ABCA1: variants seen among roughly 807,000 people sequenced by gnomAD.
The protein encoded by ABCA1 is ATP binding cassette subfamily A member 1.
Under a neutral mutation model 262.5 loss-of-function variants are expected in ABCA1, and 133 were observed. That is an observed-to-expected ratio of 0.51 (90% confidence interval 0.44 to 0.59). ABCA1 has a LOEUF of 0.59. Among genes scored for constraint, ABCA1 ranks in the 20% least tolerant of loss-of-function variants. The pLI, the probability that ABCA1 is intolerant of heterozygous loss-of-function variation, is 0.00. For missense variants in ABCA1, 2,452 were observed against 2,777.5 expected (o/e 0.88, Z 2.63); for synonymous variants, 1,022 against 1,043.5 (o/e 0.98, Z 0.40).
intron 5 of ABCA1, among the ~76,000 whole-genome samples, chr9:104,870,946 G>A (rs1396996740): frequency 1.3e-5 from 2 of 152,016 alleles, no homozygotes; most frequent in East Asian, 3.9e-4. Flanking sequence ...AGGTGGGGCA[G>A]GAACAAATCA....
chr9:104,891,433 T>G (rs1366002837), intron 2 of ABCA1, among the ~76,000 whole-genome samples: 1 of 150,960 alleles, frequency 6.6e-6, no homozygotes, highest in African/African-American at 2.4e-5. Flanking sequence ...CTGTGTCTAC[T>G]AAAAATACAA....
chr9:104,816,274 C>G lies in ABCA1; in HGVS notation c.3607G>C (p.Glu1203Gln). 1 of 1,614,140 alleles carries G rather than the reference C, an allele frequency of 6.2e-7. No homozygotes were observed. The highest frequency in any genetic ancestry group is 2.2e-5 in the East Asian group (1 of 44,866). Residue 1203 changes from glutamate to glutamine, a missense_variant, in exon 25 of 50, where the codon GAG becomes CAG. By Grantham distance (29) the Glu-to-Gln change is conservative. Coordinates refer to ENST00000374736, the MANE Select transcript of ABCA1 (RefSeq NM_005502.4). ...EARLVEDIGH[E>Q]LTYVLPYEAA... ...TCATATGGCAGCACATAGGTCAGCT[C>G]ATGCCCTATGTCTTCCACCAGCCGG...
chr9:104,814,138 T>C lies in ABCA1; in HGVS notation c.3881A>G (p.Asn1294Ser). 6.2e-7 allele frequency: 1 copy of C among 1,614,216 alleles called. No homozygotes were observed. The highest frequency in any genetic ancestry group is 8.5e-7 in the Non-Finnish European group (1 of 1,180,050). The part of the protein sequence containing the change: ...PFTEDDAADP[N>S]DSDIDPESRE... ...CAGACCTGGGTCTATGTCAGAATCA[T>C]TTGGATCAGCAGCATCATCTTCAGT... is the stretch of plus-strand genomic sequence containing the variant. Residue 1294 changes from asparagine (N) to serine (S), a missense_variant, in exon 27 of 50, where the codon AAT (asparagine) becomes AGT (serine). Physicochemically the swap from Asn to Ser is conservative, Grantham distance 46 (BLOSUM62 1). Around this residue, in one of 4 missense-constraint regions of ABCA1, gnomAD observed 665 missense variants for 727.3 expected, o/e 0.91. Coordinates refer to ENST00000374736, the MANE Select transcript of ABCA1 (RefSeq NM_005502.4).
At chr9:104,845,436 G>C (rs1429540642) in intron 8 of ABCA1, 41 bp downstream of exon 8, 1 of 1,417,636 alleles carries the variant, frequency 7.1e-7, no homozygotes, top group Non-Finnish European at 1.0e-6. Flanking sequence ...TACTGATACA[G>C]TGGATGATCC....
rs145183203 is a variant in ABCA1, at chr9:104,884,475, G to A, written c.254C>T (p.Pro85Leu). The A allele has an allele frequency of 1.3e-3, 2,156 of 1,614,202 alleles. 3 individuals are homozygous for A. The highest frequency in any genetic ancestry group is 1.6e-3 in the South Asian group (144 of 91,084). ...AACTCCGGGAGCCTCCCCAGGAGTC[G>A]GGTAACGGAAACAGGGGTTGTTGGC... The part of the protein sequence containing the change: ...CNANNPCFRY[P>L]TPGEAPGVVG... Residue 85 changes from proline to leucine, a missense_variant, in exon 4 of 50, where the codon CCG becomes CTG. This residue lies in a region of ABCA1 where 1,032 missense variants were observed against 1,089.7 expected (regional missense o/e 0.95). Coordinates refer to ENST00000374736, the MANE Select transcript of ABCA1 (RefSeq NM_005502.4).
intron 27 of ABCA1, among the ~76,000 whole-genome samples, chr9:104,813,184 T>C (rs995804617): frequency 3.9e-5 from 6 of 152,212 alleles, no homozygotes; most frequent in Non-Finnish European, 8.8e-5. Flanking sequence ...GTACTGATAC[T>C]GTATGAAGTC....
intron 6 of ABCA1, among the ~76,000 whole-genome samples, chr9:104,860,010 C>T (rs949067233): frequency 6.7e-6 from 1 of 149,350 alleles, no homozygotes; most frequent in Non-Finnish European, 1.5e-5. Context: ...GCTGAGATCA[C>T]GCCACTGCAC....
chr9:104,807,830 T>TA (rs1253549199), intron 30 of ABCA1, among the ~76,000 whole-genome samples: 1 of 106,972 alleles, frequency 9.3e-6, no homozygotes, highest in Non-Finnish European at 1.9e-5. Flanking sequence ...AATAAATAAA[T>TA]AAAATATATA....
At chr9:104,835,920 G>A (rs991260586) in intron 11 of ABCA1, among the ~76,000 whole-genome samples, 9 of 152,146 alleles carry the variant, frequency 5.9e-5, no homozygotes, top group Non-Finnish European at 1.3e-4. Context: ...AATCCTCTGA[G>A]AGCCAGACAA....
intron 18 of ABCA1, 30 bp from the exon 19 acceptor site, chr9:104,822,697 C>G (rs983657527): frequency 1.2e-6 from 2 of 1,612,548 alleles, no homozygotes; most frequent in Non-Finnish European, 1.7e-6. Flanking sequence ...AGAAATGAAC[C>G]CACAGAAAGC....
Position 104,788,471 on chromosome 9 carries a change from CT to C in ABCA1, c.6023del (p.Glu2008GlyfsTer6). 1 of 1,614,192 alleles carries C rather than the reference CT, an allele frequency of 6.2e-7. No homozygotes were observed. Among genetic ancestry groups the C allele is most frequent in the Non-Finnish European group, 8.5e-7 (1 of 1,180,022 alleles). ...TELLTGREHVEFFALLRGVPE... is the reference protein window; with the variant it reads ...TELLTGREHVXFFALLRGVPE... ...GGACTCCTCTCAAAAGGGCAAAGAA[CT>C]CCACGTGTTCTCTCCCAGTCAACAG... is the stretch of plus-strand genomic sequence containing the variant. On this transcript the variant is annotated frameshift_variant, in exon 45 of 50. Transcript: ENST00000374736. LOFTEE classifies it high-confidence loss of function.
intron 28 of ABCA1, among the ~76,000 whole-genome samples, 160 bp from the exon 29 acceptor site, chr9:104,811,084 C>A (rs1404370019): frequency 2.0e-5 from 3 of 152,272 alleles, no homozygotes; most frequent in African/African-American, 7.2e-5. Flanking sequence ...CCAAGGCATT[C>A]TTGGCAGCTG....
chr9:104,879,639 C>T (rs1052341136), intron 5 of ABCA1, among the ~76,000 whole-genome samples: 1 of 152,168 alleles, frequency 6.6e-6, no homozygotes, highest in Non-Finnish European at 1.5e-5. Context: ...ATGGAGAACA[C>T]GTAACTTGCA....
In ABCA1 at chr9:104,899,410, C is replaced by T. The variant is rs112955856; in HGVS notation, c.66+4204G>A. ...TAAAGAATGCCCAAATAGTGGTACT[C>T]TGGCTGGGTGCAGTGGCTCATGCCT... On this transcript the variant is annotated intron_variant, in intron 2 of 49. Coordinates refer to ENST00000374736, the MANE Select transcript of ABCA1 (RefSeq NM_005502.4). Among the ~76,000 whole-genome samples, 1,155 of 152,256 alleles carry T rather than the reference C, an allele frequency of 7.6e-3. 8 individuals carry two copies. The highest frequency in any genetic ancestry group is 0.013 in the Non-Finnish European group (880 of 68,022).
intron 48 of ABCA1, among the ~76,000 whole-genome samples, chr9:104,785,945 G>C (rs1333693420): frequency 6.6e-6 from 1 of 152,172 alleles, no homozygotes; most frequent in Non-Finnish European, 1.5e-5. Flanking sequence ...GCTCATAATT[G>C]GTAGGGCCAG....
At chr9:104,794,620 G>A in intron 39 of ABCA1, 110 bp from the exon 40 acceptor site, 1 of 1,309,904 alleles carries the variant, frequency 7.6e-7, no homozygotes, top group African/African-American at 1.5e-5. Context: ...TGGGAGTGAA[G>A]AAAAAATTTG....
intron 7 of ABCA1, among the ~76,000 whole-genome samples, chr9:104,849,520 C>A (rs1163365708): frequency 6.6e-6 from 1 of 152,154 alleles, no homozygotes; most frequent in African/African-American, 2.4e-5. Context: ...AAGTGCTCAG[C>A]ATTTACTAAT....
intron 37 of ABCA1, 81 bp from the exon 38 acceptor site, chr9:104,796,505 C>A: frequency 9.8e-7 from 1 of 1,020,442 alleles, no homozygotes. Context: ...CATTATCAGA[C>A]AAGAAAGGGC....
At position 104,784,016 on chromosome 9, in the gene ABCA1, G is replaced by T; in HGVS notation, c.*299C>A. 3 of 294,444 alleles carry T rather than the reference G, an allele frequency of 1.0e-5. No homozygotes were observed. Among genetic ancestry groups the T allele is most frequent in the Non-Finnish European group, 1.3e-5 (2 of 155,678 alleles). The allele number at this position is 294,444 out of a possible 1,614,324, so 18.2% of individuals were successfully genotyped here. On this transcript the variant is annotated 3_prime_UTR_variant, in exon 50 of 50. Coordinates refer to ENST00000374736, the MANE Select transcript of ABCA1 (RefSeq NM_005502.4). Reference sequence around the variant, plus strand: ...AACAAAAAAAAAAAAAAAAGTGTGAGTTCAAACCCATATGTCCATTGGGTT... The same window carrying T: ...AACAAAAAAAAAAAAAAAAGTGTGATTTCAAACCCATATGTCCATTGGGTT...
Sources: gnomAD v4.1 joint callset for allele counts (sites outside exome capture counted in the v4.1 genomes callset) on GRCh38, gnomAD v4.1.1 for gene constraint, gnomAD v4.1.1 regional missense constraint, MANE v1.5 for transcripts, NCBI Gene and HGNC (gene_info 2026-07-23, HGNC 2026-07-21) for gene names.